The following DNAH8 variants were observed in gnomAD, a reference collection of about 807,000 sequenced individuals.
DNAH8 encodes the protein axonemal beta dynein heavy chain 8.
In DNAH8, 382 loss-of-function variants were observed where a neutral mutation model predicts 562.1. The ratio of observed to expected loss-of-function variants is 0.68; its 90% CI spans 0.63 to 0.74. The LOEUF is 0.74. Ranked by LOEUF, DNAH8 falls within the 30% of genes least tolerant of loss-of-function variation. The pLI is 0.00. For synonymous variants in DNAH8, 1,881 were observed against 1,919.4 expected (o/e 0.98, Z 0.52); for missense variants, 5,203 against 5,620.4 (o/e 0.93, Z 2.37).
At chr6:38,755,091 A>G (rs1765789776) in intron 9 of DNAH8, among the ~76,000 whole-genome samples, 1 of 151,830 alleles carries the variant, frequency 6.6e-6, no homozygotes, top group African/African-American at 2.4e-5. Context: ...GGTTTATTTC[A>G]TGTTTACCTT....
At chr6:38,830,656 A>C (rs1028660970) in intron 30 of DNAH8, among the ~76,000 whole-genome samples, 2 of 146,092 alleles carry the variant, frequency 1.4e-5, no homozygotes, top group African/African-American at 2.5e-5. Flanking sequence ...AAAAAAAAAA[A>C]AGACCTCCAA....
Position 38,951,526 on chromosome 6 carries a change from A to G in DNAH8, c.12451+6A>G, listed in dbSNP as rs369709608. ...GGCCAAGAAACTGAAACTGGGTAAGACTAGCAATCTACAAAATGTAGCAAC... is the reference window on the plus strand; with the variant it reads ...GGCCAAGAAACTGAAACTGGGTAAGGCTAGCAATCTACAAAATGTAGCAAC... On this transcript the variant is annotated splice_donor_region_variant and intron_variant, in intron 82 of 92. Transcript: ENST00000327475. 3.1e-6 allele frequency: 5 copies of G among 1,605,916 alleles called. No homozygotes were observed. The highest frequency in any genetic ancestry group is 4.3e-6 in the Non-Finnish European group (5 of 1,175,226).
In DNAH8 at chr6:38,717,582, A is replaced by G. The variant is rs975194399; in HGVS notation, c.-35+2167A>G. ...TTGAGCTCAGGAGTTTGTATGTTAC[A>G]GTATATGATATGCACAGATGTAATA... On this transcript the variant is annotated intron_variant, in intron 1 of 92. Transcript: ENST00000327475. Among the ~76,000 whole-genome samples the G allele has an allele frequency of 6.6e-5, 10 of 151,018 alleles. 1 individual carries two copies. Among genetic ancestry groups the G allele is most frequent in the Admixed American group, 5.3e-4 (8 of 15,170 alleles).
chr6:38,970,013 G>GT (rs1763229269), intron 82 of DNAH8, among the ~76,000 whole-genome samples: 3 of 152,118 alleles, frequency 2.0e-5, no homozygotes, highest in African/African-American at 7.2e-5. Flanking sequence ...AATAAAAGCA[G>GT]AGTTGGGAAA....
intron 82 of DNAH8, among the ~76,000 whole-genome samples, chr6:38,963,198 G>A (rs1176703505): frequency 6.7e-6 from 1 of 149,388 alleles, no homozygotes; most frequent in Non-Finnish European, 1.5e-5. Context: ...GGATAGGTGT[G>A]TAGGCTGGGG....
intron 3 of DNAH8, among the ~76,000 whole-genome samples, chr6:38,724,514 A>T (rs1763046427): frequency 6.6e-6 from 1 of 152,210 alleles, no homozygotes; most frequent in African/African-American, 2.4e-5. Flanking sequence ...TTGTATGAGT[A>T]TACGGTAGTA....
At chr6:38,981,683 T>G (rs1232060985) in intron 85 of DNAH8, among the ~76,000 whole-genome samples, 1 of 152,222 alleles carries the variant, frequency 6.6e-6, no homozygotes, top group Non-Finnish European at 1.5e-5. Context: ...CATTTCAAAC[T>G]TTCAAGAGTC....
At chr6:38,813,114 A>G (rs1477382955) in intron 24 of DNAH8, among the ~76,000 whole-genome samples, 1 of 152,202 alleles carries the variant, frequency 6.6e-6, no homozygotes, top group Non-Finnish European at 1.5e-5. Flanking sequence ...AAGGTACCAA[A>G]TGATCTAGTG....
chr6:38,906,109 A>G lies in DNAH8; in HGVS notation c.9195-145A>G, dbSNP rs577634821. 35 of 395,534 alleles carry G rather than the reference A, an allele frequency of 8.8e-5. 1 individual carries two copies. The South Asian group carries it at 2.3e-3, about 26-fold the overall frequency. 24.5% of individuals were successfully genotyped at this position (395,534 alleles called of 1,614,324 possible). A position where few individuals can be genotyped will look rare whatever the true frequency, so the allele number is the denominator to read the frequency against. On this transcript the variant is annotated intron_variant, in intron 62 of 92. Coordinates refer to ENST00000327475, the MANE Select transcript of DNAH8 (RefSeq NM_001206927.2). ...TTTTTAGTAGAGATGGGGTTTCACC[A>G]TGTTGGTCAGGATGGTCTCGATCTC...
At chr6:38,867,515 C>T (rs1024025906) in intron 47 of DNAH8, among the ~76,000 whole-genome samples, 4 of 150,784 alleles carry the variant, frequency 2.7e-5, no homozygotes, top group African/African-American at 4.9e-5. Context: ...GAGGCCGAGG[C>T]GAGTGGATCA....
In DNAH8 at chr6:38,721,276, T is replaced by G. The variant is rs1186313765; in HGVS notation, c.-34-1500T>G. Among the ~76,000 whole-genome samples the G allele has an allele frequency of 4.9e-4, 74 of 152,068 alleles. 2 individuals are homozygous for G. The highest frequency in any genetic ancestry group is 5.9e-5 in the Non-Finnish European group (4 of 68,018). ...GTACTGGTACTGTTTGGCAGTACCATGAGACCAGTCTCAGCAACATAATGA... is the reference window on the plus strand; with the variant it reads ...GTACTGGTACTGTTTGGCAGTACCAGGAGACCAGTCTCAGCAACATAATGA... On this transcript the variant is annotated intron_variant, in intron 1 of 92. Coordinates refer to ENST00000327475, the MANE Select transcript of DNAH8 (RefSeq NM_001206927.2).
rs1234479484 is a variant in DNAH8, at chr6:38,750,532, T to C, written c.1350T>C (p.Asn450=). Residue 450 remains asparagine, a synonymous_variant, in exon 9 of 93, where the codon AAT becomes AAC. Transcript: ENST00000327475. The part of the protein sequence containing the change: ...ITDTANESKD[N]VRYLYTLEKV... Reference sequence around the variant, plus strand: ...ATACAGCAAATGAATCCAAAGATAATGTCAGATATTTGTATACTTTGGAAA... The same window carrying C: ...ATACAGCAAATGAATCCAAAGATAACGTCAGATATTTGTATACTTTGGAAA... 23 of 1,612,362 alleles carry C rather than the reference T, an allele frequency of 1.4e-5. No individual in the cohort carries two copies. The highest frequency in any genetic ancestry group is 2.0e-5 in the Non-Finnish European group (23 of 1,179,212).
chr6:38,753,499 A>T (rs2127597883), intron 9 of DNAH8, among the ~76,000 whole-genome samples: 1 of 152,328 alleles, frequency 6.6e-6, no homozygotes. Context: ...AAAATAATAG[A>T]TGAAGTGAAT....
At chr6:38,987,201 G>A (rs534809762) in intron 87 of DNAH8, among the ~76,000 whole-genome samples, 42 of 152,292 alleles carry the variant, frequency 2.8e-4, no homozygotes, top group Admixed American at 9.1e-4. Flanking sequence ...TGTCTGAGCC[G>A]GGAGCACACG....
chr6:38,878,404 C>A (rs534765152), intron 53 of DNAH8, among the ~76,000 whole-genome samples: 4 of 152,178 alleles, frequency 2.6e-5, no homozygotes, highest in African/African-American at 9.6e-5. Flanking sequence ...ATTTCAACTT[C>A]TTCCTTAATA....
intron 4 of DNAH8, among the ~76,000 whole-genome samples, chr6:38,731,544 T>C (rs770688521): frequency 4.6e-5 from 7 of 152,262 alleles, no homozygotes; most frequent in Non-Finnish European, 1.0e-4. Context: ...AAACAATGCC[T>C]GAGTGAATAT....
chr6:38,719,753 G>A (rs1053314983), intron 1 of DNAH8, among the ~76,000 whole-genome samples: 13 of 152,056 alleles, frequency 8.5e-5, no homozygotes, highest in Non-Finnish European at 7.4e-5. Context: ...ACAGATAGAC[G>A]CCTATTCTGC....
intron 9 of DNAH8, among the ~76,000 whole-genome samples, chr6:38,750,830 AAT>A (rs1334934374): frequency 6.6e-6 from 1 of 152,174 alleles, no homozygotes; most frequent in East Asian, 1.9e-4. Context: ...AAAAATCTTT[AAT>A]ATGTGTATAT....
chr6:39,008,937 G>A lies in DNAH8; in HGVS notation c.13338G>A (p.Leu4446=), dbSNP rs768944049. The change falls in exon 89 of 93, where the codon CTG becomes CTA. Residue 4446 remains leucine, a synonymous_variant. Transcript: ENST00000327475. ...TTTATAGATTATCTGAAGATATGCT[G>A]AGTAAACTCCCTCCTGATTACATTC... The part of the protein sequence containing the change: ...AIVYRLSEDM[L]SKLPPDYIPH... The A allele has an allele frequency of 1.8e-5, 29 of 1,611,586 alleles. No individual in the cohort carries two copies. The highest frequency in any genetic ancestry group is 2.4e-5 in the Non-Finnish European group (28 of 1,178,024).
Sources: allele counts gnomAD v4.1 joint callset (sites outside exome capture counted in the v4.1 genomes callset), GRCh38; gene constraint gnomAD v4.1.1; transcripts MANE v1.5; gene names NCBI Gene and HGNC (gene_info 2026-07-23, HGNC 2026-07-21).